The following SLC6A2 variants were observed in gnomAD, a reference collection of about 807,000 sequenced individuals.
The protein encoded by SLC6A2 is sodium-dependent noradrenaline transporter.
Under a neutral mutation model 71.7 loss-of-function variants are expected in SLC6A2, and 26 were observed. The observed-to-expected ratio is 0.36, with a 90% CI of 0.27 to 0.50. The LOEUF is 0.50. SLC6A2 is among the 20% of genes least tolerant of loss of function. The pLI is 0.96. For missense variants in SLC6A2, 581 were observed against 803.9 expected (o/e 0.72, Z 3.35); for synonymous variants, 363 against 337.9 (o/e 1.07, Z -0.82).
intron 3 of SLC6A2, among the ~76,000 whole-genome samples, chr16:55,670,350 G>T (rs780581841): frequency 1.3e-5 from 2 of 152,132 alleles, no homozygotes; most frequent in Non-Finnish European, 2.9e-5. Context: ...AGTACCTCTT[G>T]TGTACTCAGT....
Position 55,696,667 on chromosome 16 carries a change from T to A in SLC6A2, c.1260+330T>A, listed in dbSNP as rs555460710. Among the ~76,000 whole-genome samples, 3 of 152,250 alleles carry A rather than the reference T, an allele frequency of 2.0e-5. No homozygotes were observed. In the South Asian group the frequency reaches 6.2e-4, roughly 32 times the overall value. ...AAAATCTTGTGCTCTAAACAAGCAT[T>A]TTCTCATTATATTTTATTATCAATA... On this transcript the variant is annotated intron_variant, in intron 9 of 14. Transcript: ENST00000568943.
Position 55,656,586 on chromosome 16 carries a change from G to A in SLC6A2, c.-51-58G>A. ...CTAAGGCGCTCCCGGGTGGTCTTGGGAGTTGCAAGTAGGGAGGAACGGCCG... is the reference window on the plus strand; with the variant it reads ...CTAAGGCGCTCCCGGGTGGTCTTGGAAGTTGCAAGTAGGGAGGAACGGCCG... On this transcript the variant is annotated intron_variant, in intron 1 of 14. Transcript: ENST00000568943. This position sits in a 1 kb window ranked among gnomAD's most constrained non-coding sequence, Gnocchi z 4.5. The A allele has an allele frequency of 1.4e-6, 2 of 1,410,704 alleles. No individual in the cohort carries two copies. The highest frequency in any genetic ancestry group is 2.0e-6 in the Non-Finnish European group (2 of 1,005,712). The allele number at this position is 1,410,704 out of a possible 1,614,324, so 87.4% of individuals were successfully genotyped here. A position where few individuals can be genotyped will look rare whatever the true frequency, so the allele number is the denominator to read the frequency against.
intron 4 of SLC6A2, among the ~76,000 whole-genome samples, chr16:55,681,776 A>G (rs1008698248): frequency 2.0e-5 from 3 of 152,254 alleles, no homozygotes; most frequent in African/African-American, 7.2e-5. Context: ...TCTGGCAGAC[A>G]GACAATTGAT....
At chr16:55,697,772 C>A in intron 9 of SLC6A2, 125 bp from the exon 10 acceptor site, 3 of 969,744 alleles carry the variant, frequency 3.1e-6, no homozygotes, top group Non-Finnish European at 4.7e-6. Flanking sequence ...GTGCTGATTT[C>A]TCGAGAGAGG....
Position 55,656,824 on chromosome 16 carries a change from T to G in SLC6A2, c.130T>G (p.Cys44Gly). The G allele has an allele frequency of 6.2e-7, 1 of 1,613,440 alleles. No individual in the cohort carries two copies. Among genetic ancestry groups the G allele is most frequent in the South Asian group, 1.1e-5 (1 of 91,040 alleles). Reference protein sequence around the residue: ...LVVKERNGVQCLLAPRDGDAQ... With the variant: ...LVVKERNGVQGLLAPRDGDAQ... ...GGTGAAGGAGCGCAACGGCGTCCAG[T>G]GCCTGCTGGCGCCCCGCGACGGCGA... is the stretch of plus-strand genomic sequence containing the variant. Residue 44 changes from cysteine to glycine, a missense_variant, in exon 2 of 15, where the codon TGC becomes GGC. By Grantham distance (159) the Cys-to-Gly change is radical. Coordinates refer to ENST00000568943, the MANE Select transcript of SLC6A2 (RefSeq NM_001172501.3). The surrounding 1 kb of genome is among the most constrained non-coding windows in gnomAD (Gnocchi z 4.5).
intron 4 of SLC6A2, among the ~76,000 whole-genome samples, chr16:55,681,937 C>T (rs150985933): frequency 3.9e-5 from 6 of 152,260 alleles, no homozygotes; most frequent in East Asian, 1.9e-4. Flanking sequence ...GATGGAGTCT[C>T]GCTCTGTTGC....
chr16:55,700,497 T>C (rs1286607687), intron 13 of SLC6A2, among the ~76,000 whole-genome samples, 191 bp downstream of exon 13: 1 of 152,146 alleles, frequency 6.6e-6, no homozygotes, highest in Non-Finnish European at 1.5e-5. Flanking sequence ...TTGAGGATAA[T>C]ATTACGTACC....
chr16:55,685,347 A>G, intron 5 of SLC6A2, 66 bp downstream of exon 5: 1 of 1,528,468 alleles, frequency 6.5e-7, no homozygotes, highest in Non-Finnish European at 9.1e-7. Context: ...GATTATTTCT[A>G]GCAATAATTA....
At chr16:55,698,614 T>C (rs756967762) in intron 11 of SLC6A2, 46 bp downstream of exon 11, 9 of 1,343,020 alleles carry the variant, frequency 6.7e-6, no homozygotes, top group Non-Finnish European at 7.5e-6. Flanking sequence ...CCTCCTAGAA[T>C]CCTGCACCTG....
chr16:55,657,434 T>C (rs1964489461), intron 2 of SLC6A2, among the ~76,000 whole-genome samples: 1 of 152,150 alleles, frequency 6.6e-6, no homozygotes, highest in Non-Finnish European at 1.5e-5. Context: ...AATCTAGCAC[T>C]CTGAGCCTGG....
rs1964450098 is a variant in SLC6A2, at chr16:55,656,468, G to C, written c.-51-176G>C. The C allele has an allele frequency of 1.7e-6, 1 of 601,762 alleles. No individual in the cohort carries two copies. The allele number at this position is 601,762 out of a possible 1,614,324, so 37.3% of individuals were successfully genotyped here. On this transcript the variant is annotated intron_variant, in intron 1 of 14. Transcript: ENST00000568943. This position sits in a 1 kb window ranked among gnomAD's most constrained non-coding sequence, Gnocchi z 4.5. ...AGAAGTCTCCAACTCTTGAGTTCCG[G>C]CGTGCCCCAACCTCTGTTTCCAAAT...
intron 5 of SLC6A2, among the ~76,000 whole-genome samples, chr16:55,691,001 T>A (rs1338502177): frequency 6.6e-6 from 1 of 152,106 alleles, no homozygotes; most frequent in Non-Finnish European, 1.5e-5. Flanking sequence ...GTGTCCCACA[T>A]CTGTTCCCAC....
At chr16:55,689,823 A>G (rs1965559140) in intron 5 of SLC6A2, among the ~76,000 whole-genome samples, 1 of 152,184 alleles carries the variant, frequency 6.6e-6, no homozygotes, top group Non-Finnish European at 1.5e-5. Context: ...ACAAGTGGAA[A>G]TCCCATTTCC....
intron 4 of SLC6A2, among the ~76,000 whole-genome samples, chr16:55,672,599 G>T (rs1433538652): frequency 6.6e-6 from 1 of 152,208 alleles, no homozygotes; most frequent in Non-Finnish European, 1.5e-5. Flanking sequence ...AGGAACTGAT[G>T]ATGTCAGAGA....
At chr16:55,661,389 C>G (rs1482759610) in intron 2 of SLC6A2, among the ~76,000 whole-genome samples, 2 of 152,166 alleles carry the variant, frequency 1.3e-5, no homozygotes, top group Non-Finnish European at 2.9e-5. Context: ...GCTTCAGTTT[C>G]CTTACACAGA....
chr16:55,702,747 CAAA>C lies in SLC6A2; in HGVS notation c.*413_*415del. ...TGGGCTTTTGATCAGATACCCCTCC[CAAA>C]AAAAAAAAAAACTAAAACTAAAGCA... On this transcript the variant is annotated 3_prime_UTR_variant, in exon 15 of 15. Coordinates refer to ENST00000568943, the MANE Select transcript of SLC6A2 (RefSeq NM_001172501.3). The C allele has an allele frequency of 3.3e-6, 3 of 919,628 alleles. No individual in the cohort carries two copies. The highest frequency in any genetic ancestry group is 6.2e-5 in the Admixed American group (1 of 16,174). The allele number at this position is 919,628 out of a possible 1,614,324, so 57.0% of individuals were successfully genotyped here.
Position 55,703,327 on chromosome 16 carries a change from A to C in SLC6A2, c.*981A>C, listed in dbSNP as rs559670812. On this transcript the variant is annotated 3_prime_UTR_variant, in exon 15 of 15. Transcript: ENST00000568943. ...GGGAGCCTGACAGGCTGTTGTGTTA[A>C]TTTATTGTTCTTGCACACCTGCACA... The C allele has an allele frequency of 5.1e-6, 5 of 985,456 alleles. No homozygotes were observed. In the African/African-American group the frequency reaches 8.7e-5, roughly 17 times the overall value. 61.0% of individuals were successfully genotyped at this position (985,456 alleles called of 1,614,324 possible).
chr16:55,674,494 G>A (rs1203775167), intron 4 of SLC6A2, among the ~76,000 whole-genome samples: 2 of 150,134 alleles, frequency 1.3e-5, no homozygotes, highest in Non-Finnish European at 3.0e-5. Context: ...GTGTGATCTC[G>A]GCTCACTGCA....
At position 55,698,541 on chromosome 16, in the gene SLC6A2, G is replaced by A. The variant is rs774602224; in HGVS notation, c.1462G>A (p.Glu488Lys). The A allele has an allele frequency of 6.2e-7, 1 of 1,613,890 alleles. No individual in the cohort carries two copies. Among genetic ancestry groups the A allele is most frequent in the Non-Finnish European group, 8.5e-7 (1 of 1,179,772 alleles). ...CTCCATCCTTTTTGCTGTCCTCATG[G>A]AAGCCATCGGAGTTTCCTGGTTTTA... Reference protein sequence around the residue: ...GTSILFAVLMEAIGVSWFYGV... With the variant: ...GTSILFAVLMKAIGVSWFYGV... Residue 488 changes from glutamate (E) to lysine (K), a missense_variant, in exon 11 of 15, where the codon GAA (glutamate) becomes AAA (lysine). Transcript: ENST00000568943.
Sources: allele counts gnomAD v4.1 joint callset (sites outside exome capture counted in the v4.1 genomes callset), GRCh38; gene constraint gnomAD v4.1.1; non-coding constraint Gnocchi (gnomAD v3.1); transcripts MANE v1.5; gene names NCBI Gene and HGNC (gene_info 2026-07-23, HGNC 2026-07-21).